The following TXLNG variants were observed in gnomAD, a reference collection of about 807,000 sequenced individuals.
TXLNG encodes gamma-taxilin.
A neutral mutation model predicts 38.8 loss-of-function variants in TXLNG; 5 were observed. The ratio of observed to expected loss-of-function variants is 0.13; its 90% CI spans 0.07 to 0.27. The LOEUF (loss-of-function observed/expected upper bound fraction) is 0.27. Ranked by LOEUF, TXLNG falls within the 10% of genes least tolerant of loss-of-function variation. The pLI is 1.00. For synonymous variants in TXLNG, 182 were observed against 158.2 expected (o/e 1.15, Z -1.13); for missense variants, 393 against 398.2 (o/e 0.99, Z 0.11).
At chrX:16,813,110 ACAACC>A (rs1928596339) in intron 1 of TXLNG, among the ~76,000 whole-genome samples, 1 of 111,492 alleles carries the variant, frequency 9.0e-6, no homozygotes, top group Non-Finnish European at 1.9e-5. Flanking sequence ...CGATAAAATA[ACAACC>A]CAATTAAACA....
At chrX:16,793,646 T>C (rs1280470822) in intron 1 of TXLNG, among the ~76,000 whole-genome samples, 1 of 110,319 alleles carries the variant, frequency 9.1e-6, no homozygotes, top group Admixed American at 9.8e-5. Flanking sequence ...TTGTAAAATA[T>C]CTTTTTTTTT....
At position 16,818,604 on chromosome X, in the gene TXLNG, A is replaced by G. The variant is rs777502674; in HGVS notation, c.133A>G (p.Ile45Val). 4.1e-6 allele frequency: 5 copies of G among 1,207,870 alleles called. No individual in the cohort carries two copies. In the East Asian group the frequency reaches 1.5e-4, roughly 36 times the overall value. The stretch of plus-strand genomic sequence containing the variant: ...AATTGGCACAATGGAAGAAGCTGGA[A>G]TTTGTGGGCTAGGGGTGAAAGCAGA... ...FEIGTMEEAG[I>V]CGLGVKADML... Residue 45 changes from isoleucine (I) to valine (V), a missense_variant, in exon 2 of 10, where the codon ATT becomes GTT. By Grantham distance (29) the Ile-to-Val change is conservative (BLOSUM62 3). Coordinates refer to ENST00000380122, the MANE Select transcript of TXLNG (RefSeq NM_018360.3).
chrX:16,802,799 G>T (rs1451662871), intron 1 of TXLNG, among the ~76,000 whole-genome samples: 1 of 105,400 alleles, frequency 9.5e-6, no homozygotes, highest in African/African-American at 3.4e-5. Context: ...GCTCGGAGAA[G>T]GCCAAGATGC....
chrX:16,821,377 G>T lies in TXLNG; in HGVS notation c.498+1122G>T, dbSNP rs111841572. ...GATGCTCTCCATCTCCTGAACTTGT[G>T]ATCCGCCCGCCTTGGCCTCCCAAAG... is the stretch of plus-strand genomic sequence containing the variant. On this transcript the variant is annotated intron_variant, in intron 3 of 9. Transcript: ENST00000380122. Among the ~76,000 whole-genome samples, 263 of 110,590 alleles carry T rather than the reference G, an allele frequency of 2.4e-3. 1 individual carries two copies. The highest frequency in any genetic ancestry group is 8.0e-3 in the African/African-American group (243 of 30,461).
intron 7 of TXLNG, among the ~76,000 whole-genome samples, chrX:16,834,566 C>A (rs1321504045): frequency 2.7e-5 from 3 of 111,336 alleles, no homozygotes; most frequent in Non-Finnish European, 5.6e-5. Flanking sequence ...CCAGCACTTT[C>A]CTGGTTTTGG....
chrX:16,791,686 A>G (rs757435151), intron 1 of TXLNG, among the ~76,000 whole-genome samples: 4 of 111,813 alleles, frequency 3.6e-5, no homozygotes, highest in Non-Finnish European at 7.5e-5. Flanking sequence ...TCCGGGTTCA[A>G]GTGATTCTCC....
At chrX:16,839,062 G>C (rs898467778) in intron 8 of TXLNG, among the ~76,000 whole-genome samples, 5 of 112,276 alleles carry the variant, frequency 4.5e-5, no homozygotes, top group African/African-American at 1.6e-4. Context: ...GCAGTCAACA[G>C]TAGATGAAGG....
intron 6 of TXLNG, among the ~76,000 whole-genome samples, chrX:16,833,842 C>T (rs1451908384): frequency 8.9e-6 from 1 of 111,923 alleles, no homozygotes; most frequent in African/African-American, 3.2e-5. Context: ...AAAAAGTGCT[C>T]AGAAACCAGG....
At chrX:16,786,750 G>T (rs755692412) in intron 1 of TXLNG, among the ~76,000 whole-genome samples, 161 bp downstream of exon 1, 2 of 109,119 alleles carry the variant, frequency 1.8e-5, no homozygotes, top group Non-Finnish European at 3.9e-5. Flanking sequence ...CAGGTGGGGG[G>T]GGGTGGGACC....
intron 9 of TXLNG, among the ~76,000 whole-genome samples, chrX:16,840,972 A>G (rs375750708): frequency 2.2e-4 from 24 of 111,016 alleles, no homozygotes; most frequent in South Asian, 3.8e-4. Flanking sequence ...CAAGGCGGGC[A>G]GATCACGAGG....
intron 1 of TXLNG, among the ~76,000 whole-genome samples, chrX:16,798,395 GA>G (rs1927962043): frequency 9.0e-6 from 1 of 111,557 alleles, no homozygotes; most frequent in Admixed American, 9.6e-5. Flanking sequence ...TGCTTGCCTT[GA>G]AGTGGCAGGC....
chrX:16,822,171 T>C (rs1928996265), intron 3 of TXLNG, among the ~76,000 whole-genome samples: 1 of 105,938 alleles, frequency 9.4e-6, no homozygotes, highest in African/African-American at 3.5e-5. Context: ...ACCCCGTCTT[T>C]ACTAAAAATA....
At chrX:16,822,204 G>C (rs189370546) in intron 3 of TXLNG, among the ~76,000 whole-genome samples, 25 of 107,878 alleles carry the variant, frequency 2.3e-4, no homozygotes, top group Admixed American at 2.3e-3. Context: ...AGCCGGGTGT[G>C]GTGGCGGGTG....
intron 1 of TXLNG, among the ~76,000 whole-genome samples, chrX:16,800,304 G>C (rs948852261): frequency 9.0e-6 from 1 of 111,108 alleles, no homozygotes; most frequent in African/African-American, 3.3e-5. Context: ...ACCCAGGCTG[G>C]AGTGCAGTGG....
intron 1 of TXLNG, among the ~76,000 whole-genome samples, chrX:16,805,698 C>G (rs190827643): frequency 8.9e-6 from 1 of 111,977 alleles, no homozygotes; most frequent in Admixed American, 9.5e-5. Flanking sequence ...AAAGACAGTG[C>G]TATATAACTT....
chrX:16,841,067 C>T (rs1389597997), intron 9 of TXLNG, among the ~76,000 whole-genome samples: 8 of 108,645 alleles, frequency 7.4e-5, no homozygotes, highest in South Asian at 4.1e-4. Context: ...TGGTGGGGCG[C>T]GCCTGTAGTC....
intron 5 of TXLNG, among the ~76,000 whole-genome samples, chrX:16,832,120 C>T (rs1053278748): frequency 8.9e-6 from 1 of 112,153 alleles, no homozygotes; most frequent in Non-Finnish European, 1.9e-5. Flanking sequence ...TGCGCTCCAG[C>T]GTGGAGAGGA....
At chrX:16,801,155 T>C (rs982826278) in intron 1 of TXLNG, among the ~76,000 whole-genome samples, 1 of 111,944 alleles carries the variant, frequency 8.9e-6, no homozygotes, top group Non-Finnish European at 1.9e-5. Flanking sequence ...TTAAGCCTCT[T>C]TTCTTATAAA....
intron 3 of TXLNG, 144 bp downstream of exon 3, chrX:16,820,399 T>G (rs1422962147): frequency 3.0e-5 from 14 of 467,257 alleles, no homozygotes; most frequent in Non-Finnish European, 4.2e-5. Context: ...AGAATCTGTT[T>G]TGTTGGGGCT....
Sources: allele counts gnomAD v4.1 joint callset (sites outside exome capture counted in the v4.1 genomes callset), GRCh38; gene constraint gnomAD v4.1.1; transcripts MANE v1.5; gene names NCBI Gene and HGNC (gene_info 2026-07-23, HGNC 2026-07-21).